Variants in AP1G1 observed in about 807,000 individuals in gnomAD.
AP1G1 encodes the protein adaptor related protein complex 1 subunit gamma 1.
AP1G1 carries 7 observed loss-of-function variants against 108.3 expected under a neutral mutation model. The ratio of observed to expected loss-of-function variants is 0.06; its 90% CI spans 0.04 to 0.12. AP1G1 has a LOEUF of 0.12. Among genes scored for constraint, AP1G1 ranks in the 10% least tolerant of loss-of-function variants. AP1G1 has a pLI of 1.00. For synonymous variants in AP1G1, 379 were observed against 353.5 expected, an observed-to-expected ratio of 1.07 and a Z score of -0.81; for missense variants, 756 against 1,010.7, an observed-to-expected ratio of 0.75 and a Z score of 3.42.
intron 16 of AP1G1, 70 bp downstream of exon 16, chr16:71,748,181 G>A: frequency 2.0e-6 from 3 of 1,535,110 alleles, no homozygotes; most frequent in Non-Finnish European, 2.6e-6. Context: ...ATGATAACAA[G>A]TTTTTTGGGA....
intron 10 of AP1G1, among the ~76,000 whole-genome samples, chr16:71,759,827 A>G (rs1052225694): frequency 1.3e-5 from 2 of 151,926 alleles, no homozygotes; most frequent in African/African-American, 4.8e-5. Flanking sequence ...TGACTGACTC[A>G]ATTCTTTAAA....
intron 11 of AP1G1, among the ~76,000 whole-genome samples, chr16:71,757,050 A>G: frequency 6.6e-6 from 1 of 152,232 alleles, no homozygotes; most frequent in East Asian, 1.9e-4. Context: ...TTGGCAATGA[A>G]GTTAAAAATA....
Position 71,761,502 on chromosome 16 carries a change from G to A in AP1G1, c.974+10C>T. ...TATCCAAGATAAAAGACATATTTCA[G>A]TTAACTTACCTAATATTCTTGTCAT... On this transcript the variant is annotated intron_variant, in intron 10 of 22. Transcript: ENST00000299980. 1 of 1,549,278 alleles carries A rather than the reference G, an allele frequency of 6.5e-7. No individual in the cohort carries two copies. The highest frequency in any genetic ancestry group is 8.9e-7 in the Non-Finnish European group (1 of 1,122,926).
chr16:71,739,714 T>C (rs1187579223), intron 19 of AP1G1, among the ~76,000 whole-genome samples: 1 of 143,510 alleles, frequency 7.0e-6, no homozygotes, highest in Admixed American at 7.2e-5. Context: ...ACCACTGTAC[T>C]CCAGCCTGGG....
chr16:71,749,827 T>G, intron 15 of AP1G1, 67 bp downstream of exon 15: 1 of 1,346,328 alleles, frequency 7.4e-7, no homozygotes, highest in Non-Finnish European at 1.1e-6. Context: ...AACTCCCCAT[T>G]AAACACTACT....
At chr16:71,751,178 T>C (rs888507017) in intron 13 of AP1G1, 8 of 150,446 alleles carry the variant, frequency 5.3e-5, no homozygotes, top group Non-Finnish European at 1.0e-4. Flanking sequence ...AAAAAATTTC[T>C]CTTTGTCCAA....
At chr16:71,750,127 GA>G (rs1435841500) in intron 14 of AP1G1, 82 bp downstream of exon 14, 45 of 1,545,408 alleles carry the variant, frequency 2.9e-5, no homozygotes, top group Non-Finnish European at 4.0e-5. Context: ...GGGGAGAGAG[GA>G]GGGGGGAAAA....
chr16:71,775,384 A>C (rs2031744513), intron 2 of AP1G1, among the ~76,000 whole-genome samples: 1 of 152,122 alleles, frequency 6.6e-6, no homozygotes, highest in African/African-American at 2.4e-5. Context: ...TGGATATCTT[A>C]ATAGAAATCA....
chr16:71,749,293 G>A (rs921567860), intron 15 of AP1G1, among the ~76,000 whole-genome samples: 1 of 151,782 alleles, frequency 6.6e-6, no homozygotes, highest in Admixed American at 6.6e-5. Flanking sequence ...ACCAGCCTGG[G>A]CAACACGGTG....
At chr16:71,761,795 C>G (rs1422845469) in intron 9 of AP1G1, among the ~76,000 whole-genome samples, 1 of 107,150 alleles carries the variant, frequency 9.3e-6, no homozygotes, top group Non-Finnish European at 1.7e-5. Flanking sequence ...CCAGTCGGAG[C>G]AACAGAGCAA....
rs111959011 is a variant in AP1G1, at chr16:71,775,125, C to T, written c.202-533G>A. The stretch of plus-strand genomic sequence containing the variant: ...TACTGCAACCTCCACCTCCTGGGTT[C>T]AAGCGATTCTCCTGCCTCAGCCTCC... On this transcript the variant is annotated intron_variant, in intron 2 of 22. Coordinates refer to ENST00000299980, the MANE Select transcript of AP1G1 (RefSeq NM_001128.6). Among the ~76,000 whole-genome samples the T allele has an allele frequency of 2.0e-3, 288 of 145,246 alleles. 2 individuals are homozygous for T. Among genetic ancestry groups the T allele is most frequent in the African/African-American group, 6.9e-3 (271 of 39,172 alleles).
At chr16:71,801,107 T>C (rs879267513) in intron 1 of AP1G1, among the ~76,000 whole-genome samples, 10 of 152,018 alleles carry the variant, frequency 6.6e-5, no homozygotes, top group East Asian at 1.9e-4. Context: ...AGGAGTTTGA[T>C]ACCAGCCAGG....
chr16:71,790,453 G>C (rs2032358021), intron 1 of AP1G1, among the ~76,000 whole-genome samples: 1 of 151,748 alleles, frequency 6.6e-6, no homozygotes, highest in South Asian at 2.1e-4. Flanking sequence ...CTTGAACCCA[G>C]GAGGTGGAGG....
intron 19 of AP1G1, chr16:71,743,235 T>C (rs989920257): frequency 1.3e-5 from 2 of 152,076 alleles, no homozygotes; most frequent in Non-Finnish European, 1.5e-5. Flanking sequence ...ACATGACAAG[T>C]AACATTTTGA....
rs934065935 is a variant in AP1G1 at position 71,777,064 on chromosome 16, C to T, written c.202-2472G>A. Among the ~76,000 whole-genome samples the T allele has an allele frequency of 5.3e-5, 7 of 131,098 alleles. No homozygotes were observed. The East Asian group carries it at 8.8e-4, about 16-fold the overall frequency. 86.0% of individuals were successfully genotyped at this position (131,098 alleles called of 152,430 possible). ...GCGGGAGGTTGCAGTGAGCTGAGATCGCGCCACTGCACTCCAGCCTAGGAA... is the reference window on the plus strand; with the variant it reads ...GCGGGAGGTTGCAGTGAGCTGAGATTGCGCCACTGCACTCCAGCCTAGGAA... On this transcript the variant is annotated intron_variant, in intron 2 of 22. Transcript: ENST00000299980.
chr16:71,773,034 G>C, intron 4 of AP1G1, 187 bp downstream of exon 4: 1 of 739,636 alleles, frequency 1.4e-6, no homozygotes, highest in South Asian at 1.5e-5. Flanking sequence ...AGTAACATTT[G>C]TTTGTTTATA....
intron 1 of AP1G1, among the ~76,000 whole-genome samples, chr16:71,807,442 A>T (rs2033033393): frequency 6.6e-6 from 1 of 152,222 alleles, no homozygotes; most frequent in South Asian, 2.1e-4. Flanking sequence ...AAAAATAAAT[A>T]AATAAAAATA....
chr16:71,761,312 CA>C (rs2031071465), intron 10 of AP1G1, among the ~76,000 whole-genome samples, 199 bp downstream of exon 10: 1 of 152,284 alleles, frequency 6.6e-6, no homozygotes, highest in South Asian at 2.1e-4. Flanking sequence ...TCCTGATTTA[CA>C]GAACAAATAG....
At chr16:71,793,855 G>A (rs771352989) in intron 1 of AP1G1, among the ~76,000 whole-genome samples, 1 of 152,032 alleles carries the variant, frequency 6.6e-6, no homozygotes, top group Non-Finnish European at 1.5e-5. Flanking sequence ...GACTACAGGC[G>A]CAAGCCACCA....
Sources: gnomAD v4.1 joint callset for allele counts (sites outside exome capture counted in the v4.1 genomes callset) on GRCh38, gnomAD v4.1.1 for gene constraint, MANE v1.5 for transcripts, NCBI Gene and HGNC (gene_info 2026-07-23, HGNC 2026-07-21) for gene names.